SHROOM4: variants seen among roughly 807,000 people sequenced by gnomAD.
SHROOM4 encodes shroom family member 4.
Under a neutral mutation model 80.3 loss-of-function variants are expected in SHROOM4, and 17 were observed. That is an observed-to-expected ratio of 0.21 (90% confidence interval 0.14 to 0.32). The LOEUF is 0.32. SHROOM4 is among the 10% of genes least tolerant of loss of function. The probability of loss-of-function intolerance (pLI) is 1.00; values close to 1 mark genes in which losing one functional copy is unlikely to be tolerated. For missense variants in SHROOM4, 993 were observed against 1,140.3 expected, an observed-to-expected ratio of 0.87 and a Z score of 1.86; for synonymous variants, 400 against 437.5, an observed-to-expected ratio of 0.91 and a Z score of 1.07.
intron 1 of SHROOM4, among the ~76,000 whole-genome samples, chrX:50,790,563 C>A (rs1330041618): frequency 9.0e-6 from 1 of 111,186 alleles, no homozygotes; most frequent in African/African-American, 3.3e-5. Flanking sequence ...TACCAGAAAA[C>A]TGAATTCAAT....
At chrX:50,717,719 G>A (rs1934001268) in intron 1 of SHROOM4, among the ~76,000 whole-genome samples, 1 of 111,718 alleles carries the variant, frequency 9.0e-6, no homozygotes, top group Non-Finnish European at 1.9e-5. Context: ...TCCCCAGAAG[G>A]CAGCAGTCTT....
chrX:50,647,609 A>G (rs868920905), intron 2 of SHROOM4, among the ~76,000 whole-genome samples: 1 of 111,648 alleles, frequency 9.0e-6, no homozygotes, highest in Non-Finnish European at 1.9e-5. Context: ...GAATAATACC[A>G]GTTTTCTTTT....
chrX:50,789,285 A>G (rs1935809849), intron 1 of SHROOM4, among the ~76,000 whole-genome samples: 1 of 112,073 alleles, frequency 8.9e-6, no homozygotes, highest in African/African-American at 3.2e-5. Flanking sequence ...AGAAGATTGA[A>G]ATCATACCAT....
chrX:50,599,904 C>T (rs947325123), intron 7 of SHROOM4, among the ~76,000 whole-genome samples: 20 of 111,410 alleles, frequency 1.8e-4, no homozygotes, highest in Non-Finnish European at 3.0e-4. Flanking sequence ...TCTGATCTCT[C>T]ACCTGCTAAT....
intron 1 of SHROOM4, among the ~76,000 whole-genome samples, chrX:50,780,246 C>A (rs1410091116): frequency 9.0e-6 from 1 of 110,763 alleles, no homozygotes; most frequent in Non-Finnish European, 1.9e-5. Flanking sequence ...TATGGTATAC[C>A]AAGCAAAGGG....
rs1254352331 is a variant in SHROOM4, at chrX:50,588,444, T to A, written c.*8251A>T. ...TCAATAATTCCTCACAACACAAGGATGTATTTTTGTTTCCACCATTTGACA... is the reference window on the plus strand; with the variant it reads ...TCAATAATTCCTCACAACACAAGGAAGTATTTTTGTTTCCACCATTTGACA... On this transcript the variant is annotated 3_prime_UTR_variant, in exon 9 of 9. Transcript: ENST00000376020. 8.9e-6 allele frequency among the ~76,000 whole-genome samples: 1 copy of A among 111,998 alleles called. No homozygotes were observed. The highest frequency in any genetic ancestry group is 2.8e-4 in the East Asian group (1 of 3,569).
At chrX:50,705,778 C>T (rs1290741262) in intron 1 of SHROOM4, among the ~76,000 whole-genome samples, 2 of 110,437 alleles carry the variant, frequency 1.8e-5, no homozygotes, top group Non-Finnish European at 3.8e-5. Flanking sequence ...TCCCCTTCTG[C>T]CCCCCTACTC....
intron 1 of SHROOM4, among the ~76,000 whole-genome samples, chrX:50,766,508 A>G (rs1269750242): frequency 1.6e-4 from 18 of 111,747 alleles, no homozygotes; most frequent in Admixed American, 1.5e-3. Context: ...AAACATTTGG[A>G]TATCAGTATG....
intron 5 of SHROOM4, among the ~76,000 whole-genome samples, 181 bp downstream of exon 5, chrX:50,627,433 C>CCAGCTATCTGGGTA (rs1930845807): frequency 9.0e-6 from 1 of 111,196 alleles, no homozygotes; most frequent in African/African-American, 3.3e-5. Flanking sequence ...TGGTCTGTAC[C>CCAGCTATCTGGGTA]CAGCTATCTA....
At chrX:50,680,434 T>C (rs782234791) in intron 2 of SHROOM4, among the ~76,000 whole-genome samples, 1 of 111,610 alleles carries the variant, frequency 9.0e-6, no homozygotes, top group Admixed American at 9.5e-5. Flanking sequence ...AAGGAATTCC[T>C]GTGTAGCCTT....
chrX:50,713,076 C>T (rs1376908905), intron 1 of SHROOM4, among the ~76,000 whole-genome samples: 10 of 110,333 alleles, frequency 9.1e-5, no homozygotes, highest in Non-Finnish European at 1.7e-4. Flanking sequence ...GGGTATCCAC[C>T]CCAGGAGATA....
intron 1 of SHROOM4, among the ~76,000 whole-genome samples, chrX:50,741,459 T>A (rs1321755260): frequency 9.0e-6 from 1 of 110,976 alleles, no homozygotes; most frequent in Non-Finnish European, 1.9e-5. Context: ...ATAAAAATAA[T>A]AGGTAAATGA....
chrX:50,605,966 A>G (rs1929645404), intron 6 of SHROOM4, among the ~76,000 whole-genome samples: 1 of 111,952 alleles, frequency 8.9e-6, no homozygotes, highest in Non-Finnish European at 1.9e-5. Context: ...CCCTGCTATG[A>G]TAGATAACAA....
intron 5 of SHROOM4, among the ~76,000 whole-genome samples, chrX:50,623,319 C>G (rs1557252323): frequency 9.0e-6 from 1 of 110,891 alleles, no homozygotes; most frequent in Non-Finnish European, 1.9e-5. Flanking sequence ...TCCTGAGTAG[C>G]TGGGATTACA....
chrX:50,754,354 T>C (rs1934991587), intron 1 of SHROOM4, among the ~76,000 whole-genome samples: 1 of 112,094 alleles, frequency 8.9e-6, no homozygotes. Flanking sequence ...CACTGTTCTA[T>C]AGACAATGGG....
At chrX:50,800,516 A>G (rs781868599) in intron 1 of SHROOM4, among the ~76,000 whole-genome samples, 149 of 111,469 alleles carry the variant, frequency 1.3e-3, no homozygotes, top group African/African-American at 4.8e-3. Flanking sequence ...ATGATGCCCT[A>G]GAGGCTTAGA....
the SHROOM4 span, among the ~76,000 whole-genome samples, chrX:50,578,025 C>T: frequency 1.8e-5 from 2 of 111,859 alleles, no homozygotes; most frequent in Non-Finnish European, 3.8e-5. Flanking sequence ...CTCTCCTTTC[C>T]TCACTCTTCA....
intron 2 of SHROOM4, among the ~76,000 whole-genome samples, chrX:50,689,974 C>T (rs782001722): frequency 1.8e-5 from 2 of 111,770 alleles, no homozygotes; most frequent in East Asian, 2.8e-4. Context: ...AATAATTCTG[C>T]AACATTTTCA....
At chrX:50,755,454 C>T (rs1285115675) in intron 1 of SHROOM4, among the ~76,000 whole-genome samples, 1 of 111,592 alleles carries the variant, frequency 9.0e-6, no homozygotes, top group East Asian at 2.8e-4. Context: ...TGAAATATAG[C>T]TACTCGGTCC....
Sources: allele counts gnomAD v4.1 joint callset (sites outside exome capture counted in the v4.1 genomes callset), GRCh38; gene constraint gnomAD v4.1.1; transcripts MANE v1.5; gene names NCBI Gene and HGNC (gene_info 2026-07-23, HGNC 2026-07-21).